SLCO1B3: variants seen among roughly 807,000 people sequenced by gnomAD.
SLCO1B3 encodes solute carrier organic anion transporter family member 1B3.
A neutral mutation model predicts 71.8 loss-of-function variants in SLCO1B3; 72 were observed. The observed-to-expected ratio is 1.00, with a 90% CI of 0.83 to 1.22. SLCO1B3 has a LOEUF of 1.22. Ranked by LOEUF, SLCO1B3 falls within the 50% of genes most tolerant of loss-of-function variation. The probability of loss-of-function intolerance (pLI) is 0.00; values close to 1 mark genes in which losing one functional copy is unlikely to be tolerated. For missense variants in SLCO1B3, 911 were observed against 819.7 expected, an observed-to-expected ratio of 1.11 and a Z score of -1.36; for synonymous variants, 298 against 278.4, an observed-to-expected ratio of 1.07 and a Z score of -0.70.
chr12:20,902,093 A>T (rs1411106674), intron 15 of SLCO1B3: 1 of 245,770 alleles, frequency 4.1e-6, no homozygotes, highest in Non-Finnish European at 8.0e-6. Context: ...ATCTAGGAAG[A>T]ATAAATGTGT....
Position 20,861,125 on chromosome 12 carries a change from GAT to G in SLCO1B3, c.470_471del (p.Ile157SerfsTer40). On this transcript the variant is annotated frameshift_variant, in exon 6 of 16. Coordinates refer to ENST00000381545, the MANE Select transcript of SLCO1B3 (RefSeq NM_019844.4). LOFTEE classifies it high-confidence loss of function. ...TATCATTCAATGGAACATCACCTGA[GAT>G]AGTAGAAAAAGGTAAGAATTAATAG... is the stretch of plus-strand genomic sequence containing the variant. ...TLSFNGTSPE[I>X]VEKDCVKESG... The G allele has an allele frequency of 6.3e-7, 1 of 1,583,218 alleles. No homozygotes were observed. Among genetic ancestry groups the G allele is most frequent in the Non-Finnish European group, 8.6e-7 (1 of 1,167,286 alleles).
chr12:20,813,242 CAATA>C (rs1435124870), intron 1 of SLCO1B3, among the ~76,000 whole-genome samples: 3 of 152,186 alleles, frequency 2.0e-5, no homozygotes, highest in Admixed American at 1.3e-4. Context: ...TATAGAGAAT[CAATA>C]AATCCTTGTT....
At chr12:20,850,919 CCAT>C in intron 3 of SLCO1B3, among the ~76,000 whole-genome samples, 1 of 152,192 alleles carries the variant, frequency 6.6e-6, no homozygotes, top group Middle Eastern at 3.2e-3. Flanking sequence ...TACACTTCCA[CCAT>C]CAAGGTATAA....
rs1228797744 is a variant in SLCO1B3, at chr12:20,843,113, A to G, written c.85-11915A>G. ...TAATAGAAGCCCCAAACATACTAAA[A>G]TACATGTTCTCATGTTCTTTGATAC... On this transcript the variant is annotated intron_variant, in intron 3 of 15. Coordinates refer to ENST00000381545, the MANE Select transcript of SLCO1B3 (RefSeq NM_019844.4). Among the ~76,000 whole-genome samples the G allele has an allele frequency of 2.6e-5, 4 of 152,322 alleles. No homozygotes were observed. The East Asian group carries it at 7.7e-4, about 29-fold the overall frequency.
At chr12:20,845,106 A>T in intron 3 of SLCO1B3, 2 of 428,270 alleles carry the variant, frequency 4.7e-6, no homozygotes, top group South Asian at 3.8e-5. Context: ...AAGGTGATGG[A>T]AGCCATTTTA....
chr12:20,831,593 C>T (rs1431956467), intron 3 of SLCO1B3, among the ~76,000 whole-genome samples: 1 of 152,080 alleles, frequency 6.6e-6, no homozygotes, highest in Non-Finnish European at 1.5e-5. Context: ...ACTTTGTATT[C>T]ATGAGGAACA....
Position 20,898,301 on chromosome 12 carries a change from T to G in SLCO1B3, c.1683-135T>G, listed in dbSNP as rs1238250997. ...TTTTAAAACAGTTGAAAATGTAACT[T>G]TATATAACGTGGGAAATTCACTTAA... On this transcript the variant is annotated intron_variant, in intron 13 of 15. Coordinates refer to ENST00000381545, the MANE Select transcript of SLCO1B3 (RefSeq NM_019844.4). The G allele has an allele frequency of 2.2e-5, 13 of 592,212 alleles. No individual in the cohort carries two copies. In the East Asian group the frequency reaches 3.7e-4, roughly 17 times the overall value. The allele number at this position is 592,212 out of a possible 1,614,324, so 36.7% of individuals were successfully genotyped here. A position where few individuals can be genotyped will look rare whatever the true frequency, so the allele number is the denominator to read the frequency against.
At position 20,846,481 on chromosome 12, in the gene SLCO1B3, A is replaced by T. The variant is rs577182464; in HGVS notation, c.85-8547A>T. The stretch of plus-strand genomic sequence containing the variant: ...AGGTGCTAAAACAAAAACCATCAAC[A>T]TATATATTTGAAGGATATGCAAACA... On this transcript the variant is annotated intron_variant, in intron 3 of 15. Coordinates refer to ENST00000381545, the MANE Select transcript of SLCO1B3 (RefSeq NM_019844.4). Among the ~76,000 whole-genome samples the T allele has an allele frequency of 5.3e-5, 8 of 152,328 alleles. No homozygotes were observed. In the East Asian group the frequency reaches 1.5e-3, roughly 29 times the overall value.
At chr12:20,881,208 G>A (rs1312308276) in intron 12 of SLCO1B3, among the ~76,000 whole-genome samples, 188 bp downstream of exon 12, 1 of 152,034 alleles carries the variant, frequency 6.6e-6, no homozygotes, top group African/African-American at 2.4e-5. Flanking sequence ...CTCTGCTTAG[G>A]ACACAATCAG....
At chr12:20,911,637 T>C (rs1280899038) in intron 15 of SLCO1B3, among the ~76,000 whole-genome samples, 1 of 152,210 alleles carries the variant, frequency 6.6e-6, no homozygotes, top group East Asian at 1.9e-4. Context: ...ATTCAGATAG[T>C]CTGTTTCTTC....
At chr12:20,844,440 C>T (rs1864867070) in intron 3 of SLCO1B3, among the ~76,000 whole-genome samples, 1 of 151,680 alleles carries the variant, frequency 6.6e-6, no homozygotes, top group Non-Finnish European at 1.5e-5. Flanking sequence ...GTGGCATATA[C>T]CCCTGTAGTA....
chr12:20,867,042 T>C (rs1334213868), intron 8 of SLCO1B3, among the ~76,000 whole-genome samples: 1 of 152,174 alleles, frequency 6.6e-6, no homozygotes, highest in Admixed American at 6.5e-5. Flanking sequence ...GTTTACCTTT[T>C]AAAGTCCTTT....
At chr12:20,827,531 A>T (rs1473013266) in intron 3 of SLCO1B3, among the ~76,000 whole-genome samples, 2 of 151,884 alleles carry the variant, frequency 1.3e-5, no homozygotes, top group Non-Finnish European at 2.9e-5. Flanking sequence ...CATATTTTAG[A>T]TATTTTAGAC....
chr12:20,835,145 G>A (rs1029486371), intron 3 of SLCO1B3, among the ~76,000 whole-genome samples: 1 of 152,142 alleles, frequency 6.6e-6, no homozygotes, highest in Non-Finnish European at 1.5e-5. Flanking sequence ...AGCCATGGCT[G>A]GAGTGGCTGG....
At chr12:20,910,803 C>CTTA (rs1403406705) in intron 15 of SLCO1B3, among the ~76,000 whole-genome samples, 1 of 152,082 alleles carries the variant, frequency 6.6e-6, no homozygotes, top group African/African-American at 2.4e-5. Context: ...GCATATTAAT[C>CTTA]TTATATCCTG....
chr12:20,914,949 A>G (rs932697777), intron 15 of SLCO1B3, among the ~76,000 whole-genome samples: 1 of 151,282 alleles, frequency 6.6e-6, no homozygotes, highest in African/African-American at 2.4e-5. Flanking sequence ...TTCATCTTTG[A>G]TTTTCTATAG....
chr12:20,867,423 GGATA>G (rs1865393615), intron 8 of SLCO1B3, among the ~76,000 whole-genome samples: 1 of 151,210 alleles, frequency 6.6e-6, no homozygotes, highest in Non-Finnish European at 1.5e-5. Context: ...AAGAGATTGT[GGATA>G]TGGCCAAAAA....
At chr12:20,910,944 T>C (rs1591794486) in intron 15 of SLCO1B3, among the ~76,000 whole-genome samples, 1 of 152,068 alleles carries the variant, frequency 6.6e-6, no homozygotes, top group African/African-American at 2.4e-5. Context: ...CATTCCCTTT[T>C]GACTTTTTTT....
At chr12:20,838,624 T>C (rs1864733989) in intron 3 of SLCO1B3, among the ~76,000 whole-genome samples, 1 of 152,054 alleles carries the variant, frequency 6.6e-6, no homozygotes, top group Admixed American at 6.6e-5. Context: ...GCTTTGAGGC[T>C]ACAAACCTTT....
Sources: gnomAD v4.1 joint callset for allele counts (sites outside exome capture counted in the v4.1 genomes callset) on GRCh38, gnomAD v4.1.1 for gene constraint, MANE v1.5 for transcripts, NCBI Gene and HGNC (gene_info 2026-07-23, HGNC 2026-07-21) for gene names.